VPS13A: variants seen among roughly 807,000 people sequenced by gnomAD.
VPS13A encodes intermembrane lipid transfer protein VPS13A.
VPS13A carries 264 observed loss-of-function variants against 390.9 expected under a neutral mutation model. The observed-to-expected ratio is 0.68, with a 90% CI of 0.61 to 0.75. The LOEUF is 0.75. Ranked by LOEUF, VPS13A falls within the 30% of genes least tolerant of loss-of-function variation. VPS13A has a pLI of 0.00. For missense variants in VPS13A, 3,409 were observed against 3,733.9 expected (o/e 0.91, Z 2.27); for synonymous variants, 1,231 against 1,227.1 (o/e 1.00, Z -0.07).
intron 5 of VPS13A, among the ~76,000 whole-genome samples, chr9:77,209,074 T>G (rs1231533246): frequency 6.6e-6 from 1 of 152,354 alleles, no homozygotes; most frequent in Admixed American, 6.5e-5. Context: ...GAGAGAGATT[T>G]CTGCTTTGCT....
Position 77,357,681 on chromosome 9 carries a change from A to T in VPS13A, c.7807-11A>T. ...AATTAATTTTTTCATTTGGGGGGACATATTTTTCAGGTTCGCCTAACCCCT... is the reference window on the plus strand; with the variant it reads ...AATTAATTTTTTCATTTGGGGGGACTTATTTTTCAGGTTCGCCTAACCCCT... On this transcript the variant is annotated splice_polypyrimidine_tract_variant and intron_variant, in intron 55 of 71. Coordinates refer to ENST00000360280, the MANE Select transcript of VPS13A (RefSeq NM_033305.3). 6.2e-7 allele frequency: 1 copy of T among 1,613,306 alleles called. No individual in the cohort carries two copies. The highest frequency in any genetic ancestry group is 8.5e-7 in the Non-Finnish European group (1 of 1,179,618).
intron 9 of VPS13A, 108 bp downstream of exon 9, chr9:77,213,422 A>G (rs915586695): frequency 5.8e-6 from 5 of 868,452 alleles, no homozygotes; most frequent in South Asian, 1.5e-5. Flanking sequence ...CCTAGGCACA[A>G]TCTATTAGCA....
At position 77,357,747 on chromosome 9, in the gene VPS13A, C is replaced by T; in HGVS notation, c.7862C>T (p.Ala2621Val). ...AAAATTCTGCAGCCGCATGTAATAG[C>T]TCTACGAAGAAATTATCTTCCAGCA... ...NMKILQPHVI[A>V]LRRNYLPALK... Residue 2621 changes from alanine to valine, a missense_variant, in exon 56 of 72, where the codon GCT becomes GTT. By Grantham distance (64) the Ala-to-Val change is moderately conservative. Transcript: ENST00000360280. The T allele has an allele frequency of 6.2e-7, 1 of 1,613,906 alleles. No individual in the cohort carries two copies. The highest frequency in any genetic ancestry group is 8.5e-7 in the Non-Finnish European group (1 of 1,179,962).
intron 54 of VPS13A, 80 bp downstream of exon 54, chr9:77,353,721 G>A: frequency 7.4e-7 from 1 of 1,343,050 alleles, no homozygotes; most frequent in East Asian, 2.5e-5. Flanking sequence ...AATCTCAAAT[G>A]ATTTAGTTTC....
intron 2 of VPS13A, 76 bp downstream of exon 2, chr9:77,200,064 C>A: frequency 7.8e-7 from 1 of 1,282,318 alleles, no homozygotes; most frequent in Non-Finnish European, 1.1e-6. Context: ...CAGTTTGTCA[C>A]CTTAAATTAT....
intron 1 of VPS13A, among the ~76,000 whole-genome samples, chr9:77,182,072 C>T (rs532914224): frequency 3.3e-5 from 5 of 152,190 alleles, no homozygotes; most frequent in Admixed American, 2.0e-4. Flanking sequence ...ATCTTCCCAA[C>T]TTTCTCCAGC....
intron 19 of VPS13A, among the ~76,000 whole-genome samples, chr9:77,244,828 A>G (rs779065994): frequency 2.6e-5 from 4 of 151,986 alleles, no homozygotes; most frequent in Non-Finnish European, 5.9e-5. Context: ...TAGATGCCCC[A>G]ATTTAGTCTT....
intron 68 of VPS13A, among the ~76,000 whole-genome samples, chr9:77,402,986 G>T (rs1587724869): frequency 6.6e-6 from 1 of 152,162 alleles, no homozygotes; most frequent in East Asian, 1.9e-4. Context: ...AACTTTGTAA[G>T]ATAACATCAG....
chr9:77,234,863 A>G (rs1204260323), intron 17 of VPS13A, among the ~76,000 whole-genome samples: 1 of 152,184 alleles, frequency 6.6e-6, no homozygotes, highest in African/African-American at 2.4e-5. Flanking sequence ...AGGGATTACA[A>G]TTAACAGTCC....
intron 14 of VPS13A, 102 bp downstream of exon 14, chr9:77,226,090 A>C: frequency 8.6e-7 from 1 of 1,163,014 alleles, no homozygotes; most frequent in Non-Finnish European, 1.2e-6. Flanking sequence ...TGTTTCCAAA[A>C]AGTGGTTCAA....
intron 5 of VPS13A, among the ~76,000 whole-genome samples, chr9:77,208,482 T>C (rs1262829558): frequency 6.6e-6 from 1 of 152,076 alleles, no homozygotes; most frequent in Non-Finnish European, 1.5e-5. Flanking sequence ...AAAAGGATAA[T>C]AACTATGATT....
chr9:77,186,524 G>A (rs1390752777), intron 1 of VPS13A, among the ~76,000 whole-genome samples: 1 of 152,032 alleles, frequency 6.6e-6, no homozygotes, highest in Non-Finnish European at 1.5e-5. Flanking sequence ...TGCAACCTCT[G>A]CCTCCTGGGT....
intron 1 of VPS13A, among the ~76,000 whole-genome samples, chr9:77,182,076 C>T (rs1165227915): frequency 6.6e-6 from 1 of 152,104 alleles, no homozygotes; most frequent in Non-Finnish European, 1.5e-5. Flanking sequence ...TCCCAACTTT[C>T]TCCAGCAATT....
intron 68 of VPS13A, among the ~76,000 whole-genome samples, chr9:77,396,542 A>G (rs1466561523): frequency 6.6e-6 from 1 of 152,206 alleles, no homozygotes; most frequent in Non-Finnish European, 1.5e-5. Context: ...ATTCAAGAAT[A>G]TGAAATCATT....
At chr9:77,341,722 C>CTTTTTTTTTTTTTTTTTTT (rs1342016752) in intron 50 of VPS13A, among the ~76,000 whole-genome samples, 189 of 65,928 alleles carry the variant, frequency 2.9e-3, no homozygotes, top group Non-Finnish European at 3.5e-3. Context: ...TTTTTTTTTG[C>CTTTTTTTTTTTTTTTTTTT]TTTTGCTGTG....
intron 34 of VPS13A, 152 bp from the exon 35 acceptor site, chr9:77,307,793 G>C: frequency 1.5e-6 from 1 of 673,424 alleles, no homozygotes; most frequent in Non-Finnish European, 2.5e-6. Flanking sequence ...TGGTCATTTA[G>C]AAAACTGAAT....
intron 68 of VPS13A, among the ~76,000 whole-genome samples, chr9:77,402,627 TTTC>T (rs533450418): frequency 1.3e-4 from 20 of 152,306 alleles, no homozygotes; most frequent in South Asian, 8.3e-4. Flanking sequence ...TATATTTACA[TTTC>T]TTGAAGCAAA....
intron 1 of VPS13A, among the ~76,000 whole-genome samples, chr9:77,187,823 A>G (rs1360371889): frequency 1.3e-5 from 2 of 152,146 alleles, no homozygotes; most frequent in African/African-American, 4.8e-5. Flanking sequence ...GGTAGAGAGC[A>G]TAGTACCCGA....
rs7864564 is a variant in VPS13A at position 77,392,635 on chromosome 9, C to T, written c.9189+10548C>T. Among the ~76,000 whole-genome samples the T allele has an allele frequency of 7.8e-3, 1,188 of 151,928 alleles. 18 individuals are homozygous for T. The highest frequency in any genetic ancestry group is 0.027 in the African/African-American group (1,130 of 41,458). On this transcript the variant is annotated intron_variant, in intron 68 of 71. Coordinates refer to ENST00000360280, the MANE Select transcript of VPS13A (RefSeq NM_033305.3). The stretch of plus-strand genomic sequence containing the variant: ...GAATATGGCAACAAAGCAAGTCACA[C>T]GCATATATTTGTTCTCCAGTGCATA...
Sources: allele counts gnomAD v4.1 joint callset (sites outside exome capture counted in the v4.1 genomes callset), GRCh38; gene constraint gnomAD v4.1.1; transcripts MANE v1.5; gene names NCBI Gene and HGNC (gene_info 2026-07-23, HGNC 2026-07-21).